Variants in RNF216 observed in about 807,000 individuals in gnomAD.
RNF216 encodes E3 ubiquitin-protein ligase RNF216.
Under a neutral mutation model 110.8 loss-of-function variants are expected in RNF216, and 72 were observed. The ratio of observed to expected loss-of-function variants is 0.65; its 90% CI spans 0.54 to 0.79. The LOEUF is 0.79. Among genes scored for constraint, RNF216 ranks in the 30% least tolerant of loss-of-function variants. RNF216 has a pLI of 0.00. For missense variants in RNF216, 1,342 were observed against 1,141.2 expected (o/e 1.18, Z -2.54); for synonymous variants, 495 against 407.5 (o/e 1.21, Z -2.59).
intron 9 of RNF216, among the ~76,000 whole-genome samples, chr7:5,719,624 T>C (rs912039700): frequency 2.0e-5 from 3 of 152,218 alleles, no homozygotes; most frequent in Non-Finnish European, 4.4e-5. Flanking sequence ...ATACTTTAAA[T>C]ACTTATCTGA....
chr7:5,637,985 C>T (rs947970769), intron 15 of RNF216, among the ~76,000 whole-genome samples: 1 of 152,162 alleles, frequency 6.6e-6, no homozygotes, highest in Non-Finnish European at 1.5e-5. Flanking sequence ...AGCTGGGAGG[C>T]CCTCCCCGCA....
At chr7:5,719,701 TGCTTAAAATC>T (rs1293838140) in intron 9 of RNF216, among the ~76,000 whole-genome samples, 1 of 152,276 alleles carries the variant, frequency 6.6e-6, no homozygotes, top group Non-Finnish European at 1.5e-5. Context: ...TTCTAATTTC[TGCTTAAAATC>T]TAGAATTTTG....
chr7:5,760,648 G>C (rs1795886206), intron 2 of RNF216: 1 of 323,912 alleles, frequency 3.1e-6, no homozygotes. Context: ...GACTGGTTCA[G>C]CAACACCTGC....
At chr7:5,736,072 G>A (rs1238020312) in intron 5 of RNF216, among the ~76,000 whole-genome samples, 7 of 151,974 alleles carry the variant, frequency 4.6e-5, no homozygotes, top group African/African-American at 1.7e-4. Context: ...TAGCCTAGGT[G>A]ACAGAGTGAG....
chr7:5,660,228 T>A (rs536708179), intron 13 of RNF216, among the ~76,000 whole-genome samples: 1 of 142,534 alleles, frequency 7.0e-6, no homozygotes. Context: ...GTTGGGATTA[T>A]AAATATGAGC....
chr7:5,752,750 A>G (rs1584574770), intron 3 of RNF216, 96 bp downstream of exon 3: 1 of 1,235,532 alleles, frequency 8.1e-7, no homozygotes, highest in Non-Finnish European at 1.1e-6. Context: ...AACGAGTACA[A>G]GAGGTGCTGT....
At chr7:5,675,139 G>C (rs543381625) in intron 13 of RNF216, among the ~76,000 whole-genome samples, 2 of 152,134 alleles carry the variant, frequency 1.3e-5, no homozygotes, top group Non-Finnish European at 2.9e-5. Flanking sequence ...ATAATGGCAG[G>C]GAACAATGTA....
chr7:5,717,648 G>A (rs1285614000), intron 9 of RNF216, among the ~76,000 whole-genome samples: 1 of 152,140 alleles, frequency 6.6e-6, no homozygotes, highest in Non-Finnish European at 1.5e-5. Context: ...ATAAACTGTG[G>A]TATTACATAA....
intron 15 of RNF216, among the ~76,000 whole-genome samples, chr7:5,631,125 GACAAA>G (rs893080546): frequency 8.5e-5 from 13 of 152,234 alleles, no homozygotes; most frequent in African/African-American, 2.6e-4. Flanking sequence ...GACGTAACAG[GACAAA>G]ACAAAACAAA....
chr7:5,689,364 A>T, intron 13 of RNF216, among the ~76,000 whole-genome samples: 1 of 105,592 alleles, frequency 9.5e-6, no homozygotes, highest in African/African-American at 5.6e-5. Context: ...TGTAGTATTA[A>T]AAAAAAAAAA....
At chr7:5,654,789 G>C (rs1389260220) in intron 13 of RNF216, among the ~76,000 whole-genome samples, 2 of 151,528 alleles carry the variant, frequency 1.3e-5, no homozygotes, top group South Asian at 4.2e-4. Context: ...CTGCTTCCGA[G>C]GGATGCGGAT....
chr7:5,779,042 A>T (rs7794571), intron 1 of RNF216, among the ~76,000 whole-genome samples: 1 of 152,270 alleles, frequency 6.6e-6, no homozygotes, highest in Non-Finnish European at 1.5e-5. Context: ...CACCATTCCC[A>T]ACTATGTTCT....
intron 13 of RNF216, among the ~76,000 whole-genome samples, chr7:5,695,806 C>T (rs142198628): frequency 1.1e-4 from 16 of 152,280 alleles, no homozygotes; most frequent in African/African-American, 3.1e-4. Context: ...TGCCTGTAAA[C>T]GGATGTGTTT....
At chr7:5,725,462 T>C (rs987303601) in intron 7 of RNF216, 24 bp from the exon 8 acceptor site, 4 of 1,344,192 alleles carry the variant, frequency 3.0e-6, no homozygotes, top group South Asian at 1.2e-5. Context: ...AAAGGAAAGG[T>C]TCCTTCTGTA....
At chr7:5,632,455 A>G (rs1196997087) in intron 15 of RNF216, among the ~76,000 whole-genome samples, 2 of 152,152 alleles carry the variant, frequency 1.3e-5, no homozygotes, top group Non-Finnish European at 2.9e-5. Context: ...GGTGAGAGGG[A>G]GTGGATGCTG....
At chr7:5,701,129 T>C (rs1177640396) in intron 13 of RNF216, among the ~76,000 whole-genome samples, 2 of 152,192 alleles carry the variant, frequency 1.3e-5, no homozygotes, top group African/African-American at 4.8e-5. Context: ...CCCCAGCACG[T>C]GGCTCTCCCC....
intron 13 of RNF216, among the ~76,000 whole-genome samples, chr7:5,676,761 A>G (rs1035628991): frequency 4.6e-5 from 7 of 152,206 alleles, no homozygotes; most frequent in African/African-American, 1.4e-4. Flanking sequence ...ACTCCTAAAC[A>G]TACAGTGCAA....
At chr7:5,733,757 C>T (rs1403708307) in intron 5 of RNF216, among the ~76,000 whole-genome samples, 1 of 150,674 alleles carries the variant, frequency 6.6e-6, no homozygotes, top group East Asian at 1.9e-4. Context: ...TTGAAAAACA[C>T]AGCCAATTAG....
intron 4 of RNF216, among the ~76,000 whole-genome samples, chr7:5,739,929 G>A (rs895074190): frequency 1.3e-5 from 2 of 151,466 alleles, no homozygotes; most frequent in African/African-American, 4.9e-5. Flanking sequence ...CTTGAACCCA[G>A]GAGGCGGAGG....
Sources: gnomAD v4.1 joint callset for allele counts (sites outside exome capture counted in the v4.1 genomes callset) on GRCh38, gnomAD v4.1.1 for gene constraint, MANE v1.5 for transcripts, NCBI Gene and HGNC (gene_info 2026-07-23, HGNC 2026-07-21) for gene names.